CTNNA3: variants seen among roughly 807,000 people sequenced by gnomAD.
The protein encoded by CTNNA3 is catenin alpha 3.
A neutral mutation model predicts 95.7 loss-of-function variants in CTNNA3; 76 were observed. The ratio of observed to expected loss-of-function variants is 0.79; its 90% confidence interval spans 0.66 to 0.96. CTNNA3 has a LOEUF of 0.96. CTNNA3 is among the 40% of genes least tolerant of loss of function. The pLI is 0.00. For missense variants in CTNNA3, 1,191 were observed against 1,089.8 expected, an observed-to-expected ratio of 1.09 and a Z score of -1.31; for synonymous variants, 431 against 374.4, an observed-to-expected ratio of 1.15 and a Z score of -1.74.
At position 67,444,703 on chromosome 10, in the gene CTNNA3, T is replaced by A. The variant is rs903344651; in HGVS notation, c.579+77139A>T. Among the ~76,000 whole-genome samples the A allele has an allele frequency of 1.3e-3, 192 of 151,766 alleles. 1 individual carries two copies. Among genetic ancestry groups the A allele is most frequent in the Non-Finnish European group, 2.2e-3 (147 of 67,960 alleles). On this transcript the variant is annotated intron_variant, in intron 5 of 17. Transcript: ENST00000433211. ...AATCCAAATAAATAAAATCAGAGAT[T>A]AAAAAAGAGATGTTACAACTGATAC...
At chr10:66,042,778 T>C (rs905819152) in intron 15 of CTNNA3, among the ~76,000 whole-genome samples, 36 of 150,654 alleles carry the variant, frequency 2.4e-4, no homozygotes, top group Admixed American at 1.2e-3. Context: ...TGCATGCCTG[T>C]AATCACAGTT....
chr10:66,196,078 A>C (rs951605498), intron 13 of CTNNA3, among the ~76,000 whole-genome samples: 2 of 152,202 alleles, frequency 1.3e-5, no homozygotes, highest in African/African-American at 2.4e-5. Flanking sequence ...GTTTACATAA[A>C]AATTCTATGT....
intron 14 of CTNNA3, among the ~76,000 whole-genome samples, chr10:66,088,154 C>CT (rs2081059910): frequency 6.6e-6 from 1 of 151,800 alleles, no homozygotes; most frequent in South Asian, 2.1e-4. Flanking sequence ...TGGTAGGCTT[C>CT]TTTTTCCCTC....
At chr10:66,361,677 A>ACT (rs1163097574) in intron 12 of CTNNA3, among the ~76,000 whole-genome samples, 10 of 151,656 alleles carry the variant, frequency 6.6e-5, no homozygotes, top group African/African-American at 2.4e-4. Flanking sequence ...AGCTGTGACT[A>ACT]TAGGGGTGCA....
At chr10:67,194,895 GA>G (rs1461989667) in intron 6 of CTNNA3, among the ~76,000 whole-genome samples, 6 of 151,746 alleles carry the variant, frequency 4.0e-5, no homozygotes, top group Non-Finnish European at 4.4e-5. Context: ...TTAAAAATAA[GA>G]AAAAAATTAG....
At chr10:66,328,911 C>CATATATATATATATATAT (rs1554935009) in intron 12 of CTNNA3, among the ~76,000 whole-genome samples, 2,108 of 86,054 alleles carry the variant, frequency 0.024, 106 homozygotes, top group East Asian at 0.034. Flanking sequence ...CACATATATA[C>CATATATATATATATATAT]ATATATATAT....
chr10:67,691,712 G>T (rs1444974780), intron 1 of CTNNA3, among the ~76,000 whole-genome samples: 2 of 151,862 alleles, frequency 1.3e-5, no homozygotes, highest in Non-Finnish European at 2.9e-5. Flanking sequence ...CCCCGTCTGG[G>T]AAGTGAGGAG....
rs376442743 is a variant in CTNNA3, at chr10:66,524,777, C to T, written c.1375-4004G>A. 6.6e-5 allele frequency among the ~76,000 whole-genome samples: 10 copies of T among 152,130 alleles called. 1 individual carries two copies. The highest frequency in any genetic ancestry group is 2.4e-4 in the African/African-American group (10 of 41,516). On this transcript the variant is annotated intron_variant, in intron 10 of 17. Coordinates refer to ENST00000433211, the MANE Select transcript of CTNNA3 (RefSeq NM_013266.4). The stretch of plus-strand genomic sequence containing the variant: ...AAAAGAAAAAAAAATAGGCCAGGTG[C>T]GGTGGCTCACGCCTGTAATCCCAGG...
At chr10:66,818,596 G>A (rs1182152362) in intron 7 of CTNNA3, among the ~76,000 whole-genome samples, 1 of 152,120 alleles carries the variant, frequency 6.6e-6, no homozygotes, top group Non-Finnish European at 1.5e-5. Context: ...GAAATAACCT[G>A]AAGAAGTTTT....
intron 11 of CTNNA3, among the ~76,000 whole-genome samples, chr10:66,465,818 C>T (rs1838889724): frequency 6.6e-6 from 1 of 152,018 alleles, no homozygotes; most frequent in Non-Finnish European, 1.5e-5. Flanking sequence ...TGATAGGGAT[C>T]CCACAGAATT....
chr10:67,278,505 C>A (rs1375200276), intron 5 of CTNNA3, among the ~76,000 whole-genome samples: 1 of 152,160 alleles, frequency 6.6e-6, no homozygotes, highest in African/African-American at 2.4e-5. Context: ...TTGAGTTTAT[C>A]TGAAGACTGG....
intron 7 of CTNNA3, among the ~76,000 whole-genome samples, chr10:67,162,419 T>A (rs890070967): frequency 5.3e-5 from 8 of 151,420 alleles, no homozygotes; most frequent in South Asian, 4.2e-4. Context: ...TAAAAAAAAA[T>A]TAGTCACAAA....
intron 15 of CTNNA3, among the ~76,000 whole-genome samples, chr10:66,031,155 T>C (rs1186331983): frequency 6.6e-6 from 1 of 152,144 alleles, no homozygotes; most frequent in African/African-American, 2.4e-5. Flanking sequence ...TGGAGATTCC[T>C]CAGAGAACTA....
intron 17 of CTNNA3, among the ~76,000 whole-genome samples, chr10:65,954,254 T>G (rs538756093): frequency 1.3e-5 from 2 of 152,340 alleles, no homozygotes; most frequent in East Asian, 3.9e-4. Context: ...TCTTGTAAAT[T>G]TGTTTAAGTT....
intron 12 of CTNNA3, among the ~76,000 whole-genome samples, chr10:66,344,899 A>G (rs1177259914): frequency 6.6e-6 from 1 of 152,054 alleles, no homozygotes; most frequent in Non-Finnish European, 1.5e-5. Flanking sequence ...CACAAGTATA[A>G]AGCAAAAAAT....
chr10:66,902,931 T>C (rs11497773), intron 7 of CTNNA3, among the ~76,000 whole-genome samples: 13,355 of 152,114 alleles, frequency 0.088, 710 homozygotes, highest in African/African-American at 0.16. Context: ...GATTCACAGA[T>C]GAATTCTACC....
intron 15 of CTNNA3, among the ~76,000 whole-genome samples, chr10:66,018,213 C>CACACACACAT (rs2079132431): frequency 6.6e-6 from 1 of 151,798 alleles, no homozygotes; most frequent in South Asian, 2.1e-4. Flanking sequence ...CACACACACA[C>CACACACACAT]ACACACTATT....
chr10:66,516,821 G>C (rs1014787896), intron 11 of CTNNA3, among the ~76,000 whole-genome samples: 2 of 152,184 alleles, frequency 1.3e-5, no homozygotes, highest in African/African-American at 4.8e-5. Context: ...CTGCAAGCCA[G>C]CTTCTTTTTC....
chr10:65,927,545 G>T (rs1011472753), intron 17 of CTNNA3, among the ~76,000 whole-genome samples: 1 of 152,128 alleles, frequency 6.6e-6, no homozygotes, highest in African/African-American at 2.4e-5. Context: ...TATATAAATG[G>T]AATTCTATGG....
Sources: gnomAD v4.1 joint callset for allele counts (sites outside exome capture counted in the v4.1 genomes callset) on GRCh38, gnomAD v4.1.1 for gene constraint, MANE v1.5 for transcripts, NCBI Gene and HGNC (gene_info 2026-07-23, HGNC 2026-07-21) for gene names.